CLDN14: variants seen among roughly 807,000 people sequenced by gnomAD.
CLDN14 encodes the protein claudin-14.
In CLDN14, 2 loss-of-function variants were observed where a neutral mutation model predicts 2.1. The observed-to-expected ratio is 0.96, with a 90% confidence interval of 0.39 to 3.01. The LOEUF (loss-of-function observed/expected upper bound fraction) is 3.01. Ranked by LOEUF, CLDN14 falls within the 30% of genes most tolerant of loss-of-function variation. CLDN14 has a pLI of 0.09. For synonymous variants in CLDN14, 136 were observed against 154.4 expected, an observed-to-expected ratio of 0.88 and a Z score of 0.88; for missense variants, 298 against 328.0, an observed-to-expected ratio of 0.91 and a Z score of 0.71.
At chr21:36,534,022 C>G (rs542026105) in intron 1 of CLDN14, among the ~76,000 whole-genome samples, 1 of 152,292 alleles carries the variant, frequency 6.6e-6, no homozygotes, top group Non-Finnish European at 1.5e-5. Flanking sequence ...TAAGATCTGA[C>G]GTGCCTGTGC....
At chr21:36,520,075 C>T (rs149199524) in intron 1 of CLDN14, among the ~76,000 whole-genome samples, 2 of 152,268 alleles carry the variant, frequency 1.3e-5, no homozygotes, top group Non-Finnish European at 2.9e-5. Context: ...CCCTCTGAGG[C>T]CTCCTCCAGG....
At chr21:36,472,914 T>G (rs1294868966) in intron 1 of CLDN14, among the ~76,000 whole-genome samples, 1 of 152,166 alleles carries the variant, frequency 6.6e-6, no homozygotes, top group African/African-American at 2.4e-5. Context: ...ACATCGGGGC[T>G]TAGGGCTCCA....
chr21:36,540,982 G>A (rs2087484256), intron 1 of CLDN14, among the ~76,000 whole-genome samples: 1 of 152,176 alleles, frequency 6.6e-6, no homozygotes, highest in Non-Finnish European at 1.5e-5. Context: ...GAGGGGGAGA[G>A]GAGTGGACTG....
At chr21:36,557,539 C>T (rs551473352) in intron 1 of CLDN14, among the ~76,000 whole-genome samples, 18 of 152,208 alleles carry the variant, frequency 1.2e-4, no homozygotes, top group African/African-American at 3.4e-4. Flanking sequence ...TGATTAGTGA[C>T]GTTGACCATC....
chr21:36,523,781 GAGAA>G (rs56772352), intron 1 of CLDN14, among the ~76,000 whole-genome samples: 1,037 of 38,360 alleles, frequency 0.027, 75 homozygotes, highest in East Asian at 0.072. Context: ...GAGAGAAAGA[GAGAA>G]AGAAAGAAAG....
intron 1 of CLDN14, among the ~76,000 whole-genome samples, chr21:36,468,548 G>A (rs2086673601): frequency 6.6e-6 from 1 of 152,130 alleles, no homozygotes. Flanking sequence ...GGGTGACAGA[G>A]TGAGACTCTG....
Position 36,461,730 on chromosome 21 carries a change from C to G in CLDN14, c.-35G>C. The G allele has an allele frequency of 6.5e-7, 1 of 1,543,450 alleles. No individual in the cohort carries two copies. The highest frequency in any genetic ancestry group is 8.7e-7 in the Non-Finnish European group (1 of 1,145,510). On this transcript the variant is annotated 5_prime_UTR_variant, in exon 2 of 2. Coordinates refer to ENST00000399135, the MANE Select transcript of CLDN14 (RefSeq NM_001146079.2). ...GCCTGCCTAGGCCAGCCGGGCAGCT[C>G]CCTGGGCCCTCGGGGTCACGCCGCT...
At position 36,521,564 on chromosome 21, in the gene CLDN14, T is replaced by G. The variant is rs2087270952; in HGVS notation, c.-219-11064A>C. ...CAACATTCCAGGAAAATCCTGAAAT[T>G]GAGTCCTGTAGAGGGCTTGGGATTG... is the stretch of plus-strand genomic sequence containing the variant. On this transcript the variant is annotated intron_variant, in intron 1 of 2. Coordinates refer to the CLDN14 transcript ENST00000342108. 2.0e-5 allele frequency among the ~76,000 whole-genome samples: 3 copies of G among 152,188 alleles called. No homozygotes were observed. In the South Asian group the frequency reaches 6.2e-4, roughly 31 times the overall value.
chr21:36,468,617 A>G (rs533504086), intron 1 of CLDN14, among the ~76,000 whole-genome samples: 3 of 129,022 alleles, frequency 2.3e-5, no homozygotes, highest in African/African-American at 1.0e-4. Flanking sequence ...ACTAAAAATA[A>G]ACTCAGGGGA....
intron 2 of CLDN14, among the ~76,000 whole-genome samples, chr21:36,501,332 C>CTTTTTTTTTTTTTTTTTTTTTTTTT (rs58458004): frequency 4.1e-5 from 2 of 48,390 alleles, no homozygotes; most frequent in Non-Finnish European, 8.6e-5. Context: ...CAATATCTCA[C>CTTTTTTTTTTTTTTTTTTTTTTTTT]TTTTTTTTTT....
At chr21:36,497,529 C>G (rs904693458) in intron 2 of CLDN14, among the ~76,000 whole-genome samples, 14 of 151,736 alleles carry the variant, frequency 9.2e-5, no homozygotes, top group African/African-American at 3.4e-4. Context: ...TTTCATATCT[C>G]CAATAACTCT....
chr21:36,557,831 C>T (rs374314), intron 1 of CLDN14, among the ~76,000 whole-genome samples: 113,506 of 152,110 alleles, frequency 0.75, 43,926 homozygotes, highest in Non-Finnish European at 0.87. Context: ...GTGGCTTACA[C>T]TTTGGTTGTC....
chr21:36,514,245 C>T (rs1421025995), intron 1 of CLDN14, among the ~76,000 whole-genome samples: 1 of 152,160 alleles, frequency 6.6e-6, no homozygotes, highest in Non-Finnish European at 1.5e-5. Context: ...TTTCTTCCTT[C>T]AGAGCAGAAA....
chr21:36,470,354 G>T (rs542783867), intron 1 of CLDN14, among the ~76,000 whole-genome samples: 1 of 152,360 alleles, frequency 6.6e-6, no homozygotes, highest in African/African-American at 2.4e-5. Flanking sequence ...ATGGGCATAT[G>T]AAGACGGAGA....
At chr21:36,540,929 T>C (rs545922770) in intron 1 of CLDN14, among the ~76,000 whole-genome samples, 3 of 152,280 alleles carry the variant, frequency 2.0e-5, no homozygotes, top group South Asian at 4.1e-4. Context: ...ATTTTCACAG[T>C]CCAAGTGAGA....
At chr21:36,478,238 T>C (rs2086800335) in intron 1 of CLDN14, among the ~76,000 whole-genome samples, 1 of 152,254 alleles carries the variant, frequency 6.6e-6, no homozygotes, top group South Asian at 2.1e-4. Context: ...TTAAGAAGCA[T>C]TGAACCCTTT....
chr21:36,482,641 T>G (rs147604729), upstream of CLDN14, among the ~76,000 whole-genome samples: 83 of 152,304 alleles, frequency 5.4e-4, 2 homozygotes, highest in East Asian at 0.014. Context: ...GGGTTACCGT[T>G]TTGGGTCCCC....
intron 1 of CLDN14, among the ~76,000 whole-genome samples, chr21:36,463,502 A>C (rs1342048311): frequency 6.6e-6 from 1 of 152,220 alleles, no homozygotes; most frequent in East Asian, 1.9e-4. Context: ...GCTTAAGGTC[A>C]GGAGTTTGAG....
At chr21:36,537,105 G>A (rs59448270) in intron 1 of CLDN14, among the ~76,000 whole-genome samples, 1,586 of 152,300 alleles carry the variant, frequency 0.01, 25 homozygotes, top group African/African-American at 0.036. Flanking sequence ...CAGGAGGATC[G>A]CTTGAACCCG....
Sources: gnomAD v4.1 joint callset for allele counts (sites outside exome capture counted in the v4.1 genomes callset) on GRCh38, gnomAD v4.1.1 for gene constraint, MANE v1.5 for transcripts, NCBI Gene and HGNC (gene_info 2026-07-23, HGNC 2026-07-21) for gene names.